Variants in USP34 observed in about 807,000 individuals in gnomAD.
USP34 encodes ubiquitin specific peptidase 34, also known as ubiquitin carboxyl-terminal hydrolase 34.
Under a neutral mutation model 460.3 loss-of-function variants are expected in USP34, and 70 were observed. The observed-to-expected ratio is 0.15, with a 90% CI of 0.13 to 0.19. The LOEUF (loss-of-function observed/expected upper bound fraction) is 0.19. Among genes scored for constraint, USP34 ranks in the 10% least tolerant of loss-of-function variants. The pLI is 1.00. For synonymous variants in USP34, 1,647 were observed against 1,405.3 expected (o/e 1.17, Z -3.85); for missense variants, 3,985 against 4,236.2 (o/e 0.94, Z 1.65).
At chr2:61,202,430 T>A (rs906379747) in intron 75 of USP34, among the ~76,000 whole-genome samples, 1 of 152,048 alleles carries the variant, frequency 6.6e-6, no homozygotes, top group Non-Finnish European at 1.5e-5. Flanking sequence ...ACTCTGGAAG[T>A]CCTGAGATAG....
chr2:61,302,873 T>C (rs1253915378), intron 27 of USP34, among the ~76,000 whole-genome samples: 6 of 152,332 alleles, frequency 3.9e-5, no homozygotes, highest in African/African-American at 1.4e-4. Context: ...AGTTTATTCA[T>C]ACAGATAACT....
intron 2 of USP34, among the ~76,000 whole-genome samples, 180 bp from the exon 3 acceptor site, chr2:61,406,308 G>C (rs1284436755): frequency 6.6e-6 from 1 of 151,982 alleles, no homozygotes; most frequent in East Asian, 1.9e-4. Context: ...TGATATTTTA[G>C]TTAGTGTAAA....
intron 27 of USP34, among the ~76,000 whole-genome samples, chr2:61,311,247 C>G (rs1055683933): frequency 1.3e-5 from 2 of 152,068 alleles, no homozygotes; most frequent in African/African-American, 4.8e-5. Flanking sequence ...TCATTTTTTA[C>G]CCTTCCACCC....
chr2:61,427,768 T>G (rs1345933178), intron 1 of USP34, among the ~76,000 whole-genome samples: 1 of 152,134 alleles, frequency 6.6e-6, no homozygotes. Context: ...AAACACAGAC[T>G]ATTTGAAAAC....
intron 16 of USP34, among the ~76,000 whole-genome samples, chr2:61,342,296 CTTTT>C (rs34298126): frequency 4.2e-5 from 4 of 95,094 alleles, no homozygotes; most frequent in Admixed American, 1.5e-4. Context: ...TGGCCGTTTC[CTTTT>C]TTTTTTTTTT....
intron 74 of USP34, among the ~76,000 whole-genome samples, chr2:61,203,930 T>TC (rs1491312222): frequency 8.8e-6 from 1 of 113,718 alleles, no homozygotes; most frequent in East Asian, 3.4e-4. Flanking sequence ...TATGGCCAAA[T>TC]TAAAAAAAAA....
rs559928046 is a variant in USP34 at position 61,349,383 on chromosome 2, T to A, written c.1508-98A>T. 3 of 1,233,350 alleles carry A rather than the reference T, an allele frequency of 2.4e-6. No individual in the cohort carries two copies. In the Admixed American group the frequency reaches 6.8e-5, roughly 28 times the overall value. The allele number at this position is 1,233,350 out of a possible 1,614,324, so 76.4% of individuals were successfully genotyped here. On this transcript the variant is annotated intron_variant, in intron 12 of 79. Transcript: ENST00000398571. ...TTCATATTACATAATCAACAAGATG[T>A]AAGTGGAGAAACCTGCAATAAGGTT...
In USP34 at chr2:61,257,040, T is replaced by A; in HGVS notation, c.6048+12A>T. 1.3e-6 allele frequency: 2 copies of A among 1,545,618 alleles called. No homozygotes were observed. Among genetic ancestry groups the A allele is most frequent in the African/African-American group, 1.4e-5 (1 of 72,160 alleles). On this transcript the variant is annotated intron_variant, in intron 46 of 79. Coordinates refer to ENST00000398571, the MANE Select transcript of USP34 (RefSeq NM_014709.4). Reference sequence around the variant, plus strand: ...AGATCTCCAAAAAGTAAAAACCAGGTATAATACTTACCAAGGATACAACAT... The same window carrying A: ...AGATCTCCAAAAAGTAAAAACCAGGAATAATACTTACCAAGGATACAACAT...
At chr2:61,370,294 T>G (rs767882074) in intron 10 of USP34, 27 bp downstream of exon 10, 3 of 1,601,810 alleles carry the variant, frequency 1.9e-6, no homozygotes, top group South Asian at 2.2e-5. Context: ...AGCAAAGCAC[T>G]CAATAAATGT....
At chr2:61,220,511 TTTTA>T in intron 66 of USP34, 54 bp from the exon 67 acceptor site, 1 of 1,486,230 alleles carries the variant, frequency 6.7e-7, no homozygotes, top group Non-Finnish European at 9.0e-7. Context: ...GAGCAATTAC[TTTTA>T]CTTACTTTTT....
chr2:61,207,036 G>T, intron 70 of USP34, 150 bp from the exon 71 acceptor site: 3 of 740,798 alleles, frequency 4.0e-6, no homozygotes, highest in Non-Finnish European at 6.3e-6. Context: ...TTTCTATCCT[G>T]AAGTTAAACT....
chr2:61,387,100 AC>A (rs1693170737), intron 5 of USP34, among the ~76,000 whole-genome samples: 1 of 152,168 alleles, frequency 6.6e-6, no homozygotes, highest in African/African-American at 2.4e-5. Context: ...TTAAACAGGT[AC>A]TTCGCAAAAA....
At chr2:61,226,797 A>G (rs1572850481) in intron 62 of USP34, 1 of 322,340 alleles carries the variant, frequency 3.1e-6, no homozygotes, top group African/African-American at 2.2e-5. Context: ...ATTTTGCTAG[A>G]TATTTTACTG....
chr2:61,403,413 A>G (rs1031028859), intron 3 of USP34, among the ~76,000 whole-genome samples: 1 of 152,170 alleles, frequency 6.6e-6, no homozygotes, highest in African/African-American at 2.4e-5. Flanking sequence ...GTCCCTAACG[A>G]AACTATTTTC....
intron 66 of USP34, among the ~76,000 whole-genome samples, chr2:61,220,733 G>C (rs577388020): frequency 1.3e-5 from 2 of 152,142 alleles, no homozygotes; most frequent in Non-Finnish European, 2.9e-5. Flanking sequence ...TCTAGGTCTT[G>C]CTAAATTTGG....
chr2:61,271,175 C>A (rs986316457), intron 41 of USP34, among the ~76,000 whole-genome samples: 20 of 152,170 alleles, frequency 1.3e-4, no homozygotes, highest in Non-Finnish European at 2.8e-4. Context: ...GTGACACACG[C>A]CTGTAATCCC....
chr2:61,284,691 CAT>C (rs1215155484), intron 35 of USP34, among the ~76,000 whole-genome samples, 182 bp downstream of exon 35: 16 of 152,074 alleles, frequency 1.1e-4, no homozygotes, highest in Non-Finnish European at 1.9e-4. Context: ...ATACGTGACT[CAT>C]AAATACAAGA....
At chr2:61,393,429 T>TAAAAAAAA (rs33954205) in intron 5 of USP34, among the ~76,000 whole-genome samples, 1 of 129,888 alleles carries the variant, frequency 7.7e-6, no homozygotes, top group Non-Finnish European at 1.6e-5. Flanking sequence ...AGACTCCGTC[T>TAAAAAAAA]AAAAAAAAAA....
At chr2:61,230,036 T>C (rs887924167) in intron 58 of USP34, among the ~76,000 whole-genome samples, 3 of 148,158 alleles carry the variant, frequency 2.0e-5, no homozygotes, top group Non-Finnish European at 4.5e-5. Context: ...TCTTTAAAGA[T>C]ACACAAGTGA....
Sources: allele counts gnomAD v4.1 joint callset (sites outside exome capture counted in the v4.1 genomes callset), GRCh38; gene constraint gnomAD v4.1.1; transcripts MANE v1.5; gene names NCBI Gene and HGNC (gene_info 2026-07-23, HGNC 2026-07-21).